CDH23: variants seen among roughly 807,000 people sequenced by gnomAD.
CDH23 encodes cadherin-23.
A neutral mutation model predicts 317.1 loss-of-function variants in CDH23; 189 were observed. The ratio of observed to expected loss-of-function variants is 0.60; its 90% CI spans 0.53 to 0.67. CDH23 has a LOEUF of 0.67. Ranked by LOEUF, CDH23 falls within the 30% of genes least tolerant of loss-of-function variation. The probability of loss-of-function intolerance (pLI) is 0.00; values close to 1 mark genes in which losing one functional copy is unlikely to be tolerated. For synonymous variants in CDH23, 1,839 were observed against 1,876.8 expected (o/e 0.98, Z 0.52); for missense variants, 4,401 against 4,592.4 (o/e 0.96, Z 1.20).
intron 14 of CDH23, among the ~76,000 whole-genome samples, chr10:71,662,348 A>G (rs1863710886): frequency 6.6e-6 from 1 of 152,090 alleles, no homozygotes; most frequent in South Asian, 2.1e-4. Flanking sequence ...GAGTGAGGAC[A>G]TGTCCCTGGA....
At position 71,777,681 on chromosome 10, in the gene CDH23, C is replaced by A. The variant is rs1213427662; in HGVS notation, c.4847C>A (p.Ala1616Asp). Residue 1616 changes from alanine to aspartate, a missense_variant and splice_region_variant, in exon 39 of 70, where the codon GCC becomes GAC. By Grantham distance (126) the Ala-to-Asp change is moderately radical. Around this residue, in one of 3 missense-constraint regions of CDH23, gnomAD observed 3,068 missense variants for 3,203.3 expected, o/e 0.96. Transcript: ENST00000224721. ...VEDEGTPTLS[A>D]TTHVYVTIVD... Reference sequence around the variant, plus strand: ...GACGTGACCCACTCTTTTCCACAGGCCACCACGCACGTGTACGTGACCATT... The same window carrying A: ...GACGTGACCCACTCTTTTCCACAGGACACCACGCACGTGTACGTGACCATT... 6.2e-7 allele frequency: 1 copy of A among 1,608,454 alleles called. No individual in the cohort carries two copies. Among genetic ancestry groups the A allele is most frequent in the African/African-American group, 1.3e-5 (1 of 74,784 alleles).
At chr10:71,681,318 A>G (rs529860917) in intron 17 of CDH23, among the ~76,000 whole-genome samples, 1 of 152,256 alleles carries the variant, frequency 6.6e-6, no homozygotes, top group South Asian at 2.1e-4. Flanking sequence ...CCCCACTCCC[A>G]AGCCAATATA....
At chr10:71,788,751 G>T (rs759349881) in intron 44 of CDH23, among the ~76,000 whole-genome samples, 189 bp from the exon 45 acceptor site, 2 of 152,144 alleles carry the variant, frequency 1.3e-5, no homozygotes, top group Admixed American at 6.5e-5. Flanking sequence ...CACTGCACCC[G>T]GCCACATTTT....
At chr10:71,713,297 G>A in intron 28 of CDH23, 2 of 779,176 alleles carry the variant, frequency 2.6e-6, no homozygotes, top group Non-Finnish European at 4.8e-6. Flanking sequence ...AAGGCTCAGA[G>A]GGAGAGAAGG....
intron 3 of CDH23, among the ~76,000 whole-genome samples, chr10:71,464,524 T>A (rs547356917): frequency 6.6e-6 from 1 of 152,198 alleles, no homozygotes; most frequent in Non-Finnish European, 1.5e-5. Flanking sequence ...AAGAGGGGTC[T>A]TCTGAGGCCC....
At chr10:71,443,758 T>C (rs1044100849) in intron 2 of CDH23, among the ~76,000 whole-genome samples, 3 of 152,162 alleles carry the variant, frequency 2.0e-5, no homozygotes, top group African/African-American at 7.2e-5. Flanking sequence ...TCCACTTACA[T>C]TCCCGCTTCG....
chr10:71,773,524 T>G (rs1447616865), intron 38 of CDH23: 5 of 1,323,694 alleles, frequency 3.8e-6, no homozygotes, highest in African/African-American at 1.5e-5. Context: ...CGCGACTGAG[T>G]GCGAGCGAGT....
chr10:71,730,111 A>G (rs1839315241), intron 30 of CDH23, among the ~76,000 whole-genome samples: 1 of 152,182 alleles, frequency 6.6e-6, no homozygotes, highest in East Asian at 1.9e-4. Context: ...TGCTGGGATT[A>G]CAGGCGTGAG....
At chr10:71,487,915 T>C (rs1007083332) in intron 3 of CDH23, among the ~76,000 whole-genome samples, 3 of 152,262 alleles carry the variant, frequency 2.0e-5, no homozygotes, top group South Asian at 2.1e-4. Flanking sequence ...ATGCTCTTTA[T>C]GACCACTTAT....
intron 11 of CDH23, among the ~76,000 whole-genome samples, chr10:71,630,078 G>A (rs1248084353): frequency 6.6e-6 from 1 of 152,162 alleles, no homozygotes; most frequent in African/African-American, 2.4e-5. Flanking sequence ...CTGGAGTGCA[G>A]TGGTGTAATT....
intron 38 of CDH23, among the ~76,000 whole-genome samples, chr10:71,752,408 G>A (rs1840027213): frequency 6.6e-6 from 1 of 152,160 alleles, no homozygotes; most frequent in Non-Finnish European, 1.5e-5. Flanking sequence ...CTTTGTGTTT[G>A]GTGTTGCAGG....
At chr10:71,432,158 G>A (rs1344623880) in intron 1 of CDH23, among the ~76,000 whole-genome samples, 2 of 152,142 alleles carry the variant, frequency 1.3e-5, no homozygotes, top group Admixed American at 6.5e-5. Flanking sequence ...GGGGCATTTT[G>A]TGGATGCATC....
In CDH23 at chr10:71,799,187, C is replaced by T. The variant is rs369805384; in HGVS notation, c.7131C>T (p.Asn2377=). 47 of 1,613,940 alleles carry T rather than the reference C, an allele frequency of 2.9e-5. 2 individuals are homozygous for T. In the Middle Eastern group the frequency reaches 2.0e-3, roughly 68 times the overall value. ...WLNFTVRASD[N]GSPPRAAEIP... ...ACTTTACCGTGAGGGCCTCAGACAACGGGTCCCCGCCCCGGGCAGCTGAGA... is the reference window on the plus strand; with the variant it reads ...ACTTTACCGTGAGGGCCTCAGACAATGGGTCCCCGCCCCGGGCAGCTGAGA... The change falls in exon 51 of 70, where the codon AAC becomes AAT. Residue 2377 remains asparagine, a synonymous_variant. Coordinates refer to ENST00000224721, the MANE Select transcript of CDH23 (RefSeq NM_022124.6).
chr10:71,412,382 G>A (rs76160936), intron 1 of CDH23, among the ~76,000 whole-genome samples: 2,850 of 152,292 alleles, frequency 0.019, 90 homozygotes, highest in African/African-American at 0.065. Flanking sequence ...AGGAACTGCC[G>A]TACTGTTTTC....
chr10:71,452,861 G>A (rs544512193), intron 3 of CDH23, among the ~76,000 whole-genome samples: 39 of 152,342 alleles, frequency 2.6e-4, no homozygotes, highest in African/African-American at 7.9e-4. Context: ...AGACCTTGCA[G>A]TGATTGTCCT....
At chr10:71,475,324 A>C (rs2132099810) in intron 3 of CDH23, among the ~76,000 whole-genome samples, 1 of 152,300 alleles carries the variant, frequency 6.6e-6, no homozygotes, top group Admixed American at 6.5e-5. Flanking sequence ...AGGGCGGGGT[A>C]GGAAGAGAGA....
At chr10:71,580,852 C>G (rs548272759) in intron 9 of CDH23, among the ~76,000 whole-genome samples, 1 of 152,024 alleles carries the variant, frequency 6.6e-6, no homozygotes, top group Admixed American at 6.5e-5. Flanking sequence ...GCCCCCACCC[C>G]CCATTCCTAC....
chr10:71,812,155 TCACCCTCCCTC>T (rs1235496417), intron 66 of CDH23, 140 bp downstream of exon 66: 10 of 1,588,410 alleles, frequency 6.3e-6, no homozygotes, highest in Middle Eastern at 1.7e-4. Context: ...CACCCTCCCT[TCACCCTCCCTC>T]CACCCTCAGA....
At chr10:71,595,609 G>T (rs77289605) in intron 9 of CDH23, among the ~76,000 whole-genome samples, 2,702 of 152,206 alleles carry the variant, frequency 0.018, 82 homozygotes, top group African/African-American at 0.062. Flanking sequence ...CTGGGAATCT[G>T]CAGGTCCCAA....
Sources: gnomAD v4.1 joint callset for allele counts (sites outside exome capture counted in the v4.1 genomes callset) on GRCh38, gnomAD v4.1.1 for gene constraint, gnomAD v4.1.1 regional missense constraint, MANE v1.5 for transcripts, NCBI Gene and HGNC (gene_info 2026-07-23, HGNC 2026-07-21) for gene names.